The following IGSF3 variants were observed in gnomAD, a reference collection of about 807,000 sequenced individuals.
The protein encoded by IGSF3 is glu-Trp-Ile EWI motif-containing protein 3.
Under a neutral mutation model 114.4 loss-of-function variants are expected in IGSF3, and 23 were observed. The ratio of observed to expected loss-of-function variants is 0.20; its 90% CI spans 0.14 to 0.28. The LOEUF (loss-of-function observed/expected upper bound fraction) is 0.28. Among genes scored for constraint, IGSF3 ranks in the 10% least tolerant of loss-of-function variants. The pLI is 1.00. For missense variants in IGSF3, 1,172 were observed against 1,591.5 expected (o/e 0.74, Z 4.48); for synonymous variants, 571 against 645.2 (o/e 0.88, Z 1.74).
chr1:116,602,525 T>TA (rs1660635659), intron 6 of IGSF3, among the ~76,000 whole-genome samples: 1 of 152,222 alleles, frequency 6.6e-6, no homozygotes, highest in African/African-American at 2.4e-5. Flanking sequence ...GCTGTATAAT[T>TA]ACTGCAAAAA....
At chr1:116,667,423 G>A (rs112100481) in intron 1 of IGSF3, among the ~76,000 whole-genome samples, 195 bp downstream of exon 1, 1,675 of 152,236 alleles carry the variant, frequency 0.011, 34 homozygotes, top group African/African-American at 0.038. Context: ...AGGGAGTCCG[G>A]AGCTCCGCTT....
At chr1:116,626,991 G>GT (rs1453418452) in intron 2 of IGSF3, among the ~76,000 whole-genome samples, 2 of 152,218 alleles carry the variant, frequency 1.3e-5, no homozygotes, top group East Asian at 3.8e-4. Context: ...ATAAGTGCTA[G>GT]TATTTGCCTT....
In IGSF3 at chr1:116,642,917, G is replaced by C. The variant is rs1260005186; in HGVS notation, c.43+23367C>G. ...TTGCCTGAAAATATTTCACCACCTG[G>C]AACCTCCCTGTCCCACCCATCTTCA... On this transcript the variant is annotated intron_variant, in intron 2 of 10. Transcript: ENST00000369486. The surrounding 1 kb of genome is among the most constrained non-coding windows in gnomAD (Gnocchi z 5.4). Among the ~76,000 whole-genome samples, 1 of 152,102 alleles carries C rather than the reference G, an allele frequency of 6.6e-6. No individual in the cohort carries two copies. The highest frequency in any genetic ancestry group is 1.9e-4 in the East Asian group (1 of 5,190).
At chr1:116,659,194 C>T (rs1393018766) in intron 2 of IGSF3, among the ~76,000 whole-genome samples, 3 of 152,008 alleles carry the variant, frequency 2.0e-5, no homozygotes, top group East Asian at 3.8e-4. Flanking sequence ...ACTGGGCTGA[C>T]GACTGCTTGG....
chr1:116,592,246 G>A lies in IGSF3; in HGVS notation c.2030-3142C>T, dbSNP rs1030373344. 7.9e-5 allele frequency among the ~76,000 whole-genome samples: 12 copies of A among 152,346 alleles called. No homozygotes were observed. Among genetic ancestry groups the A allele is most frequent in the African/African-American group, 2.9e-4 (12 of 41,582 alleles). Reference sequence around the variant, plus strand: ...AGAAACCCTGGACTTGGCCGTGTGAGTGAATGGGCTTTGAGAGGCCATAAA... The same window carrying A: ...AGAAACCCTGGACTTGGCCGTGTGAATGAATGGGCTTTGAGAGGCCATAAA... On this transcript the variant is annotated intron_variant, in intron 7 of 10. Transcript: ENST00000369486. The surrounding 1 kb of genome is among the most constrained non-coding windows in gnomAD (Gnocchi z 4.5).
intron 4 of IGSF3, among the ~76,000 whole-genome samples, chr1:116,609,541 G>T (rs1338968397): frequency 2.6e-5 from 4 of 152,030 alleles, no homozygotes; most frequent in Non-Finnish European, 5.9e-5. Context: ...AGGCACCCAC[G>T]GCAGAAGTCA....
rs1648535115 is a variant in IGSF3, at chr1:116,649,392, C to A, written c.43+16892G>T. On this transcript the variant is annotated intron_variant, in intron 2 of 10. Coordinates refer to ENST00000369486, the MANE Select transcript of IGSF3 (RefSeq NM_001007237.3). The surrounding 1 kb of genome is among the most constrained non-coding windows in gnomAD (Gnocchi z 4.5). ...ACCACATCCTCTTAACCCTTGGCCT[C>A]TCATTCCCAAAGTCTAGCCCTATTT... Among the ~76,000 whole-genome samples, 1 of 152,242 alleles carries A rather than the reference C, an allele frequency of 6.6e-6. No individual in the cohort carries two copies. The highest frequency in any genetic ancestry group is 2.4e-5 in the African/African-American group (1 of 41,472).
rs2101069815 is a variant in IGSF3 at position 116,650,873 on chromosome 1, CAGA to C, written c.43+15408_43+15410del. 6.6e-6 allele frequency among the ~76,000 whole-genome samples: 1 copy of C among 152,364 alleles called. No homozygotes were observed. The highest frequency in any genetic ancestry group is 1.9e-4 in the East Asian group (1 of 5,184). On this transcript the variant is annotated intron_variant, in intron 2 of 10. Transcript: ENST00000369486. This position sits in a 1 kb window ranked among gnomAD's most constrained non-coding sequence, Gnocchi z 5.0. ...AACAGATGCAAAAACGTTCTTAACA[CAGA>C]AGGTTTGGGAAGCTCTGATCTAAGC...
In IGSF3 at chr1:116,585,700, T is replaced by C. The variant is rs1369931020; in HGVS notation, c.2441-648A>G. On this transcript the variant is annotated intron_variant, in intron 8 of 10. Transcript: ENST00000369486. The surrounding 1 kb of genome is among the most constrained non-coding windows in gnomAD (Gnocchi z 4.9). ...ACTTTGGGACGCCGAGGTGGGTGGATCGCTTGAGGCCAGGAGTTTGAGACC... is the reference window on the plus strand; with the variant it reads ...ACTTTGGGACGCCGAGGTGGGTGGACCGCTTGAGGCCAGGAGTTTGAGACC... Among the ~76,000 whole-genome samples, 1 of 152,000 alleles carries C rather than the reference T, an allele frequency of 6.6e-6. No homozygotes were observed. Among genetic ancestry groups the C allele is most frequent in the East Asian group, 1.9e-4 (1 of 5,164 alleles).
chr1:116,645,481 G>C (rs1648324210), intron 2 of IGSF3, among the ~76,000 whole-genome samples: 4 of 152,210 alleles, frequency 2.6e-5, no homozygotes, highest in Admixed American at 1.3e-4. Context: ...TTTTAAACTG[G>C]TGAGTTCCGT....
Position 116,614,798 on chromosome 1 carries a change from G to A in IGSF3, c.422-623C>T, listed in dbSNP as rs1396027665. ...CTCACTGGAAGGAAGCCACAGTCTG[G>A]AGAGATTCAGGCAAGAGAAGAGATT... On this transcript the variant is annotated intron_variant, in intron 3 of 10. Transcript: ENST00000369486. This position sits in a 1 kb window ranked among gnomAD's most constrained non-coding sequence, Gnocchi z 4.5. Among the ~76,000 whole-genome samples the A allele has an allele frequency of 6.6e-6, 1 of 152,138 alleles. No homozygotes were observed. Among genetic ancestry groups the A allele is most frequent in the Non-Finnish European group, 1.5e-5 (1 of 68,024 alleles).
At chr1:116,656,982 T>A (rs539991060) in intron 2 of IGSF3, among the ~76,000 whole-genome samples, 1 of 152,134 alleles carries the variant, frequency 6.6e-6, no homozygotes, top group Non-Finnish European at 1.5e-5. Context: ...ATAAGCTACC[T>A]CCTGAAGTAG....
chr1:116,590,008 C>A (rs1045436719), intron 7 of IGSF3, among the ~76,000 whole-genome samples: 3 of 151,674 alleles, frequency 2.0e-5, no homozygotes, highest in Non-Finnish European at 4.4e-5. Context: ...AGTGGGTGAG[C>A]GAATGAGAGC....
intron 6 of IGSF3, among the ~76,000 whole-genome samples, chr1:116,601,789 C>T (rs770695204): frequency 2.0e-5 from 3 of 152,190 alleles, no homozygotes; most frequent in Admixed American, 6.5e-5. Context: ...CTGTGACAGT[C>T]GCTGTGCACC....
In IGSF3 at chr1:116,600,214, G is replaced by A. The variant is rs1371768974; in HGVS notation, c.1756C>T (p.Pro586Ser). 3 of 1,613,982 alleles carry A rather than the reference G, an allele frequency of 1.9e-6. No individual in the cohort carries two copies. Among genetic ancestry groups the A allele is most frequent in the Admixed American group, 3.3e-5 (2 of 60,012 alleles). ...VPVSVTWRFQ[P>S]VGTVEFHDLV... Reference sequence around the variant, plus strand: ...TCATGGAACTCCACCGTGCCCACCGGCTGGAACCGCCATGTCACCGACACG... The same window carrying A: ...TCATGGAACTCCACCGTGCCCACCGACTGGAACCGCCATGTCACCGACACG... The change falls in exon 7 of 11, where the codon CCG becomes TCG. Residue 586 changes from proline (P) to serine (S), a missense_variant. Around this residue, in one of 3 missense-constraint regions of IGSF3, gnomAD observed 736 missense variants for 1,042.0 expected, o/e 0.71. Transcript: ENST00000369486. This position sits in a 1 kb window ranked among gnomAD's most constrained non-coding sequence, Gnocchi z 5.5.
chr1:116,626,136 A>T (rs971241024), intron 2 of IGSF3, among the ~76,000 whole-genome samples: 4 of 152,238 alleles, frequency 2.6e-5, no homozygotes, highest in African/African-American at 9.6e-5. Flanking sequence ...TAAATATTTT[A>T]AAAATTACAG....
At chr1:116,658,289 C>T (rs1648955589) in intron 2 of IGSF3, among the ~76,000 whole-genome samples, 1 of 152,160 alleles carries the variant, frequency 6.6e-6, no homozygotes, top group South Asian at 2.1e-4. Context: ...ATCCACCCGC[C>T]TCGGCCTCCC....
chr1:116,618,534 TATTC>T lies in IGSF3; in HGVS notation c.44-2081_44-2078del, dbSNP rs771715615. ...CAGATCAAGTAGGGGAAATGACTGA[TATTC>T]AGTAACAGTGCTGGGACATTTCATT... On this transcript the variant is annotated intron_variant, in intron 2 of 10. Transcript: ENST00000369486. The surrounding 1 kb of genome is among the most constrained non-coding windows in gnomAD (Gnocchi z 4.7). 2.6e-5 allele frequency among the ~76,000 whole-genome samples: 4 copies of T among 152,232 alleles called. No individual in the cohort carries two copies. Among genetic ancestry groups the T allele is most frequent in the Non-Finnish European group, 5.9e-5 (4 of 68,054 alleles).
rs188872814 is a variant in IGSF3 at position 116,651,923 on chromosome 1, T to C, written c.43+14361A>G. Among the ~76,000 whole-genome samples, 2 of 152,344 alleles carry C rather than the reference T, an allele frequency of 1.3e-5. No individual in the cohort carries two copies. Among genetic ancestry groups the C allele is most frequent in the Non-Finnish European group, 2.9e-5 (2 of 68,028 alleles). ...CCTATAAACTACACAAAGATGAGGA[T>C]TATGTCTCCTCCATTTCACACACTG... On this transcript the variant is annotated intron_variant, in intron 2 of 10. Transcript: ENST00000369486. This position sits in a 1 kb window ranked among gnomAD's most constrained non-coding sequence, Gnocchi z 4.4.
Sources: allele counts gnomAD v4.1 joint callset (sites outside exome capture counted in the v4.1 genomes callset), GRCh38; gene constraint gnomAD v4.1.1; regional missense constraint gnomAD v4.1.1; non-coding constraint Gnocchi (gnomAD v3.1); transcripts MANE v1.5; gene names NCBI Gene and HGNC (gene_info 2026-07-23, HGNC 2026-07-21).